Variants in CRELD2 observed in about 807,000 individuals in gnomAD.
The protein encoded by CRELD2 is protein disulfide isomerase CRELD2.
In CRELD2, 33 loss-of-function variants were observed where a neutral mutation model predicts 48.1. The observed-to-expected ratio is 0.69, with a 90% CI of 0.52 to 0.92. The LOEUF (loss-of-function observed/expected upper bound fraction) is 0.92. Among genes scored for constraint, CRELD2 ranks in the 40% least tolerant of loss-of-function variants. CRELD2 has a pLI of 0.00. For synonymous variants in CRELD2, 220 were observed against 203.9 expected (o/e 1.08, Z -0.67); for missense variants, 477 against 482.4 (o/e 0.99, Z 0.10).
Position 49,918,763 on chromosome 22 carries a change from A to G in CRELD2, c.-7A>G. The G allele has an allele frequency of 8.9e-7, 1 of 1,118,806 alleles. No homozygotes were observed. The highest frequency in any genetic ancestry group is 3.3e-5 in the East Asian group (1 of 30,762). The allele number at this position is 1,118,806 out of a possible 1,614,324, so 69.3% of individuals were successfully genotyped here. On this transcript the variant is annotated 5_prime_UTR_variant, in exon 1 of 10. Coordinates refer to ENST00000328268, the MANE Select transcript of CRELD2 (RefSeq NM_024324.5). ...TCCGGCTGCGTCTTCCCGCAGCGCT[A>G]CCCGCCATGCGCCTGCCGCGCCGGG...
At position 49,925,568 on chromosome 22, in the gene CRELD2, C is replaced by T. The variant is rs148991799; in HGVS notation, c.1009+11C>T. ...CGCCGGCAGAGGCTGGTGAGTGGCA[C>T]GGCTGCCCTCCACACAGGCTGCCCT... On this transcript the variant is annotated intron_variant, in intron 9 of 9. Transcript: ENST00000328268. 14 of 1,613,032 alleles carry T rather than the reference C, an allele frequency of 8.7e-6. No homozygotes were observed. Among genetic ancestry groups the T allele is most frequent in the Middle Eastern group, 1.7e-4 (1 of 6,060 alleles).
chr22:49,920,058 C>T (rs763664089), intron 3 of CRELD2, 98 bp from the exon 4 acceptor site: 69 of 857,540 alleles, frequency 8.0e-5, no homozygotes, highest in Non-Finnish European at 1.2e-4. Context: ...GTTTCCTGGA[C>T]CTTACAATAC....
At chr22:49,921,059 G>GCACTCCA (rs2060680889) in intron 4 of CRELD2, among the ~76,000 whole-genome samples, 1 of 140,832 alleles carries the variant, frequency 7.1e-6, no homozygotes, top group South Asian at 2.3e-4. Context: ...ATCACAGCGT[G>GCACTCCA]CACTCCACAC....
rs755037292 is a variant in CRELD2, at chr22:49,919,273, C to A, written c.173C>A (p.Thr58Lys). Residue 58 changes from threonine to lysine, a missense_variant, in exon 2 of 10, where the codon ACG (threonine) becomes AAG (lysine). Coordinates refer to ENST00000328268, the MANE Select transcript of CRELD2 (RefSeq NM_024324.5). Reference sequence around the variant, plus strand: ...AAGAAGAACTTTGGCGGCGGGAACACGGCTTGGGAGGAAAAGACGCTGTCC... The same window carrying A: ...AAGAAGAACTTTGGCGGCGGGAACAAGGCTTGGGAGGAAAAGACGCTGTCC... The part of the protein sequence containing the change: ...TAKKNFGGGN[T>K]AWEEKTLSKY... 6.2e-6 allele frequency: 10 copies of A among 1,613,590 alleles called. No individual in the cohort carries two copies. The highest frequency in any genetic ancestry group is 8.5e-6 in the Non-Finnish European group (10 of 1,180,018).
chr22:49,922,795 C>CGTAAGGCGTGGGGGGGGTGAG (rs1365667758), intron 6 of CRELD2, 88 bp downstream of exon 6: 2 of 79,256 alleles, frequency 2.5e-5, no homozygotes, highest in African/African-American at 5.0e-4. Context: ...GGGTGTGAGG[C>CGTAAGGCGTGGGGGGGGTGAG]ATGGGGGCGG....
intron 9 of CRELD2, among the ~76,000 whole-genome samples, chr22:49,927,048 G>A (rs781343970): frequency 5.3e-5 from 8 of 149,830 alleles, no homozygotes; most frequent in African/African-American, 7.4e-5. Flanking sequence ...CCACGGCAGC[G>A]TGGGGGCTCT....
rs567702080 is a variant in CRELD2 at position 49,924,225 on chromosome 22, T to C, written c.773-135T>C. ...GCTTTTGCCGGGAGACAGAGACAGA[T>C]CGTTATAAAGTCACTTGGTGATGAA... On this transcript the variant is annotated intron_variant, in intron 7 of 9. Coordinates refer to ENST00000328268, the MANE Select transcript of CRELD2 (RefSeq NM_024324.5). 5.3e-5 allele frequency: 32 copies of C among 608,448 alleles called. No homozygotes were observed. In the South Asian group the frequency reaches 6.0e-4, roughly 11 times the overall value. The allele number at this position is 608,448 out of a possible 1,614,324, so 37.7% of individuals were successfully genotyped here. A position where few individuals can be genotyped will look rare whatever the true frequency, so the allele number is the denominator to read the frequency against.
chr22:49,922,509 C>A, intron 5 of CRELD2, 103 bp from the exon 6 acceptor site: 2 of 1,491,412 alleles, frequency 1.3e-6, no homozygotes, highest in South Asian at 1.2e-5. Context: ...CTGAAAATCC[C>A]GTGTTGCTTT....
intron 7 of CRELD2, 178 bp downstream of exon 7, chr22:49,923,495 A>G: frequency 1.4e-6 from 1 of 707,016 alleles, no homozygotes; most frequent in Non-Finnish European, 2.6e-6. Flanking sequence ...AATTCAAGTC[A>G]GATGAAAAGA....
At position 49,927,231 on chromosome 22, in the gene CRELD2, C is replaced by T. The variant is rs747538193; in HGVS notation, c.1010-24C>T. On this transcript the variant is annotated intron_variant, in intron 9 of 9. Transcript: ENST00000328268. The stretch of plus-strand genomic sequence containing the variant: ...CAGGGCCCTTTGTGCTCAGCCTTGA[C>T]GACCTATGCTTGTTTTCTGACAGAA... 1.1e-5 allele frequency: 17 copies of T among 1,610,048 alleles called. 1 individual carries two copies. In the Middle Eastern group the frequency reaches 5.0e-4, roughly 47 times the overall value.
rs1039339850 is a variant in CRELD2, at chr22:49,918,752, C to G, written c.-18C>G. On this transcript the variant is annotated 5_prime_UTR_variant, in exon 1 of 10. Coordinates refer to ENST00000328268, the MANE Select transcript of CRELD2 (RefSeq NM_024324.5). ...GGACCTGGAGCTCCGGCTGCGTCTT[C>G]CCGCAGCGCTACCCGCCATGCGCCT... 1.1e-4 allele frequency: 115 copies of G among 1,032,398 alleles called. No individual in the cohort carries two copies. Among genetic ancestry groups the G allele is most frequent in the Non-Finnish European group, 1.4e-4 (112 of 794,388 alleles). The allele number at this position is 1,032,398 out of a possible 1,614,324, so 64.0% of individuals were successfully genotyped here.
At chr22:49,922,034 CCATGCAGTGCA>C in intron 5 of CRELD2, 1 of 599,362 alleles carries the variant, frequency 1.7e-6, no homozygotes, top group East Asian at 2.8e-5. Flanking sequence ...TTGTGATGGG[CCATGCAGTGCA>C]CAGGTCCTGG....
At position 49,919,773 on chromosome 22, in the gene CRELD2, A is replaced by G. The variant is rs2060660721; in HGVS notation, c.256A>G (p.Ser86Gly). 4 of 1,612,676 alleles carry G rather than the reference A, an allele frequency of 2.5e-6. No individual in the cohort carries two copies. In the African/African-American group the frequency reaches 4.0e-5, roughly 16 times the overall value. ...GATCCTGGAGGGGCTGTGCGAGAGCAGCGACTTCGAATGCAATCAGATGCT... is the reference window on the plus strand; with the variant it reads ...GATCCTGGAGGGGCTGTGCGAGAGCGGCGACTTCGAATGCAATCAGATGCT... Reference protein sequence around the residue: ...LEILEGLCESSDFECNQMLEA... With the variant: ...LEILEGLCESGDFECNQMLEA... The change falls in exon 3 of 10, where the codon AGC becomes GGC. Residue 86 changes from serine (S) to glycine (G), a missense_variant. Ser to Gly is a moderately conservative substitution (Grantham distance 56). Transcript: ENST00000328268.
At chr22:49,925,162 C>A (rs1051571416) in intron 8 of CRELD2, 4 of 325,422 alleles carry the variant, frequency 1.2e-5, no homozygotes, top group Non-Finnish European at 2.2e-5. Flanking sequence ...AGAAAGTGGG[C>A]TTCCTGGGCG....
At chr22:49,923,140 C>A in intron 6 of CRELD2, 94 bp from the exon 7 acceptor site, 2 of 1,023,254 alleles carry the variant, frequency 2.0e-6, no homozygotes, top group African/African-American at 1.6e-5. Flanking sequence ...CCCAGCCGGC[C>A]CTGGCCACGG....
chr22:49,920,181 G>C lies in CRELD2; in HGVS notation c.349G>C (p.Glu117Gln), dbSNP rs752690863. The C allele has an allele frequency of 1.2e-6, 2 of 1,612,896 alleles. No individual in the cohort carries two copies. Among genetic ancestry groups the C allele is most frequent in the African/African-American group, 2.7e-5 (2 of 74,942 alleles). ...GAAGAGCGAATATCCTGACTTATTC[G>C]AGTGGTTTTGTGTGAAGACACTGAA... is the stretch of plus-strand genomic sequence containing the variant. ...QLKSEYPDLF[E>Q]WFCVKTLKVC... The change falls in exon 4 of 10, where the codon GAG becomes CAG. Residue 117 changes from glutamate (E) to glutamine (Q), a missense_variant. By Grantham distance (29) the Glu-to-Gln change is conservative (BLOSUM62 2). Transcript: ENST00000328268.
At chr22:49,926,711 CCCCCCCTCTTGCCCCTCCCT>C (rs1283354858) in intron 9 of CRELD2, among the ~76,000 whole-genome samples, 23 of 96 alleles carry the variant, frequency 0.24, 7 homozygotes, top group African/African-American at 0.42. Context: ...GCCCCTCCCT[CCCCCCCTCTTGCCCCTCCCT>C]CCCCCCACCC....
chr22:49,922,765 A>T, intron 6 of CRELD2, 58 bp downstream of exon 6: 3 of 260,230 alleles, frequency 1.2e-5, no homozygotes, highest in East Asian at 1.1e-4. Flanking sequence ...GGGGTGTGAG[A>T]TGGGGGCGTA....
chr22:49,927,259 C>T lies in CRELD2; in HGVS notation c.1014C>T (p.Ala338=), dbSNP rs952258155. 2.5e-6 allele frequency: 4 copies of T among 1,612,332 alleles called. No individual in the cohort carries two copies. Among genetic ancestry groups the T allele is most frequent in the Admixed American group, 1.7e-5 (1 of 59,992 alleles). The change falls in exon 10 of 10, where the codon GCC becomes GCT. Residue 338 remains alanine (A), a synonymous_variant. Coordinates refer to ENST00000328268, the MANE Select transcript of CRELD2 (RefSeq NM_024324.5). ...DACVPPAEAE[A]TEGESPTQLP... is the part of the protein sequence containing the mutation. ...CCTATGCTTGTTTTCTGACAGAAGC[C>T]ACAGAAGGAGAAAGCCCGACACAGC...
Sources: gnomAD v4.1 joint callset for allele counts (sites outside exome capture counted in the v4.1 genomes callset) on GRCh38, gnomAD v4.1.1 for gene constraint, MANE v1.5 for transcripts, NCBI Gene and HGNC (gene_info 2026-07-23, HGNC 2026-07-21) for gene names.